The following VPS45 variants were observed in gnomAD, a reference collection of about 807,000 sequenced individuals.
VPS45 encodes the protein vacuolar protein sorting 45 homolog.
VPS45 carries 35 observed loss-of-function variants against 75.9 expected under a neutral mutation model. The ratio of observed to expected loss-of-function variants is 0.46; its 90% confidence interval spans 0.35 to 0.61. The LOEUF (loss-of-function observed/expected upper bound fraction) is 0.61. Among genes scored for constraint, VPS45 ranks in the 20% least tolerant of loss-of-function variants. The pLI, the probability that VPS45 is intolerant of heterozygous loss-of-function variation, is 0.00. For synonymous variants in VPS45, 220 were observed against 238.2 expected (o/e 0.92, Z 0.70); for missense variants, 559 against 685.9 (o/e 0.81, Z 2.07).
chr1:150,118,287 A>G (rs1480610634), intron 14 of VPS45, among the ~76,000 whole-genome samples: 1 of 151,398 alleles, frequency 6.6e-6, no homozygotes, highest in Non-Finnish European at 1.5e-5. Flanking sequence ...CTGTCTCAAA[A>G]AAAAAAAAAA....
rs72692898 is a variant in VPS45, at chr1:150,077,904, C to T, written c.687+125C>T. On this transcript the variant is annotated intron_variant, in intron 7 of 14. Transcript: ENST00000644510. ...TTATTTTTAGCTATTCTTGGTTTTG[C>T]TTTGTATTTCCTGGTGTTTTGGTAT... 0.13 allele frequency: 97,970 copies of T among 774,386 alleles called. 7,514 individuals are homozygous for T. The highest frequency in any genetic ancestry group is 0.17 in the Non-Finnish European group (77,230 of 466,194). The allele number at this position is 774,386 out of a possible 1,614,324, so 48.0% of individuals were successfully genotyped here.
At chr1:150,103,608 C>T (rs1030880236) in intron 13 of VPS45, among the ~76,000 whole-genome samples, 4 of 152,182 alleles carry the variant, frequency 2.6e-5, no homozygotes, top group Non-Finnish European at 4.4e-5. Flanking sequence ...CAAAAATACC[C>T]TGCCACCCTG....
intron 14 of VPS45, among the ~76,000 whole-genome samples, chr1:150,114,330 C>T (rs1657804948): frequency 3.3e-5 from 5 of 151,864 alleles, no homozygotes; most frequent in Admixed American, 3.3e-4. Context: ...AACAATTAGC[C>T]AGGCGTGGTG....
At chr1:150,106,790 T>C (rs1249414315) in intron 13 of VPS45, among the ~76,000 whole-genome samples, 1 of 152,196 alleles carries the variant, frequency 6.6e-6, no homozygotes, top group African/African-American at 2.4e-5. Context: ...CTTCCCTTCA[T>C]AGCCAAGCTT....
At chr1:150,128,232 G>C (rs775416732) in intron 14 of VPS45, among the ~76,000 whole-genome samples, 3 of 151,380 alleles carry the variant, frequency 2.0e-5, no homozygotes. Context: ...AGCCCAGGGG[G>C]CAGAGGTTGC....
At chr1:150,120,048 C>T (rs587663307) in intron 14 of VPS45, among the ~76,000 whole-genome samples, 4 of 152,192 alleles carry the variant, frequency 2.6e-5, no homozygotes, top group Admixed American at 6.5e-5. Context: ...GCAGAGGTTG[C>T]GATGAGCTGA....
chr1:150,089,781 A>G (rs1350643291), intron 10 of VPS45, among the ~76,000 whole-genome samples: 1 of 152,230 alleles, frequency 6.6e-6, no homozygotes. Flanking sequence ...CAGATACCCT[A>G]AATGGGCTGT....
Position 150,067,901 on chromosome 1 carries a change from T to TA in VPS45, c.45dup (p.Glu16ArgfsTer14), listed in dbSNP as rs782383872. ...GTGAAGCAGTACATTTCCAAAATGA[T>TA]AGAGGACAGCGGGCCTGGTATGAAA... is the stretch of plus-strand genomic sequence containing the variant. On this transcript the variant is annotated frameshift_variant, in exon 1 of 15. Transcript: ENST00000644510. LOFTEE classifies it high-confidence loss of function. 1 of 1,614,224 alleles carries TA rather than the reference T, an allele frequency of 6.2e-7. No individual in the cohort carries two copies. The highest frequency in any genetic ancestry group is 2.2e-5 in the East Asian group (1 of 44,884).
chr1:150,091,039 C>T (rs1553801829), intron 10 of VPS45, among the ~76,000 whole-genome samples: 1 of 152,210 alleles, frequency 6.6e-6, no homozygotes, highest in African/African-American at 2.4e-5. Flanking sequence ...GGAAAAATTA[C>T]ATGTGAACCA....
intron 7 of VPS45, among the ~76,000 whole-genome samples, chr1:150,078,410 G>T (rs1655515136): frequency 6.6e-6 from 1 of 152,122 alleles, no homozygotes; most frequent in East Asian, 1.9e-4. Flanking sequence ...CTAAACTCTA[G>T]AATGTTTGGA....
At position 150,081,888 on chromosome 1, in the gene VPS45, T is replaced by C; in HGVS notation, c.827T>C (p.Met276Thr). Residue 276 changes from methionine (M) to threonine (T), a missense_variant, in exon 9 of 15, where the codon ATG becomes ACG. Coordinates refer to ENST00000644510, the MANE Select transcript of VPS45 (RefSeq NM_007259.5). The stretch of plus-strand genomic sequence containing the variant: ...TTCCAACTTTCTTTTTCACAGAATA[T>C]GTACCTGAACTTTGCTGAGATTGGT... Reference protein sequence around the residue: ...AENDEFYANNMYLNFAEIGSN... With the variant: ...AENDEFYANNTYLNFAEIGSN... 6.2e-7 allele frequency: 1 copy of C among 1,604,762 alleles called. No homozygotes were observed. Among genetic ancestry groups the C allele is most frequent in the Non-Finnish European group, 8.5e-7 (1 of 1,173,970 alleles).
rs147879102 is a variant in VPS45 at position 150,118,625 on chromosome 1, C to T, written c.1625+7998C>T. On this transcript the variant is annotated intron_variant, in intron 14 of 14. Transcript: ENST00000644510. Reference sequence around the variant, plus strand: ...TTCACCATGTTGGCCAGGCTGGTCTCGAACTCTGGACCTCAAGTGATCCAC... The same window carrying T: ...TTCACCATGTTGGCCAGGCTGGTCTTGAACTCTGGACCTCAAGTGATCCAC... Among the ~76,000 whole-genome samples the T allele has an allele frequency of 6.1e-3, 924 of 152,188 alleles. 14 individuals are homozygous for T. Among genetic ancestry groups the T allele is most frequent in the African/African-American group, 0.021 (882 of 41,520 alleles).
At chr1:150,077,459 C>T (rs1655458600) in intron 6 of VPS45, 1 of 695,172 alleles carries the variant, frequency 1.4e-6, no homozygotes, top group African/African-American at 1.8e-5. Flanking sequence ...TTTTTTGGTC[C>T]AGTTAAACCA....
chr1:150,121,525 C>T (rs1187241869), intron 14 of VPS45, among the ~76,000 whole-genome samples: 1 of 152,138 alleles, frequency 6.6e-6, no homozygotes, highest in African/African-American at 2.4e-5. Flanking sequence ...CTCTTACTAC[C>T]TTATTTCCTC....
chr1:150,112,142 G>T (rs1266988599), intron 14 of VPS45, among the ~76,000 whole-genome samples: 4 of 151,828 alleles, frequency 2.6e-5, no homozygotes, highest in African/African-American at 4.8e-5. Flanking sequence ...TTCCACAATT[G>T]AAGTATTCCT....
chr1:150,121,608 C>T (rs2101629810), intron 14 of VPS45, among the ~76,000 whole-genome samples: 1 of 152,298 alleles, frequency 6.6e-6, no homozygotes, highest in Non-Finnish European at 1.5e-5. Context: ...TGTCAAATTT[C>T]AGTTTCTAGG....
chr1:150,082,712 G>A lies in VPS45; in HGVS notation c.937-4G>A. 3 of 1,609,640 alleles carry A rather than the reference G, an allele frequency of 1.9e-6. No individual in the cohort carries two copies. The highest frequency in any genetic ancestry group is 1.3e-5 in the African/African-American group (1 of 74,762). ...ACCTCCCATTGATGTTTTTCCCATG[G>A]CAGGCGTTTGTTGAGAATTATCCAC... On this transcript the variant is annotated splice_region_variant and splice_polypyrimidine_tract_variant and intron_variant, in intron 9 of 14. Transcript: ENST00000644510.
At chr1:150,107,431 G>A (rs1322835242) in intron 13 of VPS45, among the ~76,000 whole-genome samples, 4 of 152,124 alleles carry the variant, frequency 2.6e-5, no homozygotes, top group Non-Finnish European at 5.9e-5. Flanking sequence ...TGAAGAATAT[G>A]TATTTTTTTG....
chr1:150,107,138 C>T (rs1384310039), intron 13 of VPS45, among the ~76,000 whole-genome samples: 2 of 152,072 alleles, frequency 1.3e-5, no homozygotes, highest in Non-Finnish European at 2.9e-5. Flanking sequence ...TTTTGGTTTT[C>T]TTCTCATTCT....
Sources: allele counts gnomAD v4.1 joint callset (sites outside exome capture counted in the v4.1 genomes callset), GRCh38; gene constraint gnomAD v4.1.1; transcripts MANE v1.5; gene names NCBI Gene and HGNC (gene_info 2026-07-23, HGNC 2026-07-21).